RNF17: variants seen among roughly 807,000 people sequenced by gnomAD.
RNF17 encodes spermatogenesis associated 23.
In RNF17, 31 loss-of-function variants were observed where a neutral mutation model predicts 200.5. That is an observed-to-expected ratio of 0.15 (90% CI 0.12 to 0.21). The LOEUF (loss-of-function observed/expected upper bound fraction) is 0.21. Ranked by LOEUF, RNF17 falls within the 10% of genes least tolerant of loss-of-function variation. RNF17 has a pLI of 1.00. For synonymous variants in RNF17, 606 were observed against 637.8 expected, an observed-to-expected ratio of 0.95 and a Z score of 0.75; for missense variants, 1,628 against 1,905.1, an observed-to-expected ratio of 0.85 and a Z score of 2.71.
chr13:24,831,537 C>CA (rs1377751754), intron 17 of RNF17, among the ~76,000 whole-genome samples: 5 of 152,206 alleles, frequency 3.3e-5, no homozygotes, highest in African/African-American at 1.2e-4. Context: ...TCTGTGCTTT[C>CA]AGCAGTTATA....
At chr13:24,885,015 A>G in the RNF17 span, among the ~76,000 whole-genome samples, 1 of 152,222 alleles carries the variant, frequency 6.6e-6, no homozygotes, top group South Asian at 2.1e-4. Flanking sequence ...CTGACTCAGG[A>G]TCAGTATAAG....
At chr13:24,763,676 G>C (rs980068091), upstream of RNF17, among the ~76,000 whole-genome samples, 2 of 152,056 alleles carry the variant, frequency 1.3e-5, no homozygotes, top group East Asian at 3.9e-4. Flanking sequence ...ACGCTGCCTT[G>C]TATATTATTA....
intron 7 of RNF17, 74 bp from the exon 8 acceptor site, chr13:24,789,274 C>A: frequency 9.9e-7 from 1 of 1,013,364 alleles, no homozygotes. Flanking sequence ...ATACAGTTTT[C>A]TTTCTAAAAT....
At position 24,853,900 on chromosome 13, in the gene RNF17, G is replaced by C. The variant is rs1188201512; in HGVS notation, c.3366G>C (p.Leu1122=). Residue 1122 remains leucine (L), a synonymous_variant, in exon 25 of 36, where the codon CTG becomes CTC. Coordinates refer to ENST00000255324, the MANE Select transcript of RNF17 (RefSeq NM_031277.3). ...DNSHSLSEKS[L]EVPLEQEDSV... Reference sequence around the variant, plus strand: ...GCCATTCATTATCTGAGAAGTCTCTGGAAGTCCCCCTGGAACAGGAAGATT... The same window carrying C: ...GCCATTCATTATCTGAGAAGTCTCTCGAAGTCCCCCTGGAACAGGAAGATT... The C allele has an allele frequency of 6.2e-7, 1 of 1,613,072 alleles. No individual in the cohort carries two copies. The highest frequency in any genetic ancestry group is 1.3e-5 in the African/African-American group (1 of 74,868).
the RNF17 span, chr13:24,886,319 A>G: frequency 4.3e-5 from 55 of 1,289,094 alleles, no homozygotes; most frequent in Non-Finnish European, 5.5e-5. Flanking sequence ...GAATGGCCTG[A>G]AGGAGGAGAG....
In RNF17 at chr13:24,861,413, G is replaced by T. The variant is rs547976998; in HGVS notation, c.3894+26G>T. On this transcript the variant is annotated intron_variant, in intron 27 of 35. Transcript: ENST00000255324. Reference sequence around the variant, plus strand: ...GTGAGTACATAATAATTTGTGGAATGATTAATTTTAAATATTAGTTTTTAT... The same window carrying T: ...GTGAGTACATAATAATTTGTGGAATTATTAATTTTAAATATTAGTTTTTAT... 1.2e-5 allele frequency: 17 copies of T among 1,392,882 alleles called. No individual in the cohort carries two copies. In the South Asian group the frequency reaches 1.4e-4, roughly 12 times the overall value. 86.3% of individuals were successfully genotyped at this position (1,392,882 alleles called of 1,614,324 possible).
intron 16 of RNF17, among the ~76,000 whole-genome samples, chr13:24,828,261 C>T (rs766889805): frequency 6.6e-6 from 1 of 151,686 alleles, no homozygotes. Flanking sequence ...TTTCTATTAG[C>T]ACCACTTTTG....
chr13:24,836,940 GT>G (rs1326630177), intron 18 of RNF17, among the ~76,000 whole-genome samples: 1 of 152,110 alleles, frequency 6.6e-6, no homozygotes, highest in Non-Finnish European at 1.5e-5. Flanking sequence ...CTCAGAATGG[GT>G]AAGAACTCAC....
At chr13:24,759,732 G>A (rs1287873971), upstream of RNF17, among the ~76,000 whole-genome samples, 1 of 152,152 alleles carries the variant, frequency 6.6e-6, no homozygotes, top group African/African-American at 2.4e-5. Flanking sequence ...GTGAAGGAAT[G>A]AGAGAGGGAG....
rs1021170963 is a variant in RNF17, at chr13:24,827,570, C to T, written c.2245+1798C>T. ...ACAAAAAATTAGCCGGGCGTAGTGG[C>T]GGGCGCCTGTAGTCCCAGCTACTTG... On this transcript the variant is annotated intron_variant, in intron 16 of 35. Transcript: ENST00000255324. Among the ~76,000 whole-genome samples the T allele has an allele frequency of 1.1e-4, 16 of 150,920 alleles. 1 individual carries two copies. In the East Asian group the frequency reaches 1.4e-3, roughly 13 times the overall value.
rs1203535229 is a variant in RNF17 at position 24,830,530 on chromosome 13, T to C, written c.2292T>C (p.Gly764=). The C allele has an allele frequency of 5.0e-6, 8 of 1,611,904 alleles. No homozygotes were observed. The African/African-American group carries it at 1.1e-4, about 22-fold the overall frequency. The change falls in exon 17 of 36, where the codon GGT becomes GGC. Residue 764 remains glycine (G), a synonymous_variant. Coordinates refer to ENST00000255324, the MANE Select transcript of RNF17 (RefSeq NM_031277.3). ...TTGAAGTTAAATATGTGGACTTTGG[T>C]AATACTGCAAAAATAACAATCAAAG... ...QEVEVKYVDF[G]NTAKITIKDV...
chr13:24,885,730 T>C, the RNF17 span: 1 of 1,149,210 alleles, frequency 8.7e-7, no homozygotes, highest in African/African-American at 1.5e-5. Context: ...TTTATTAGTA[T>C]GATCACACAT....
Position 24,793,283 on chromosome 13 carries a change from T to A in RNF17, c.1177T>A (p.Leu393Ile). The change falls in exon 10 of 36, where the codon TTA becomes ATA. Residue 393 changes from leucine to isoleucine, a missense_variant. Leu to Ile is a conservative substitution (Grantham distance 5). Coordinates refer to ENST00000255324, the MANE Select transcript of RNF17 (RefSeq NM_031277.3). ...AGCATCCCCTAAAACCATTGCTGTG[T>A]TACCTCAGATGGGATCTAGCCCTGA... ...ATASPKTIAVLPQMGSSPDVI... is the reference protein window; with the variant it reads ...ATASPKTIAVIPQMGSSPDVI... 3 of 1,613,880 alleles carry A rather than the reference T, an allele frequency of 1.9e-6. No individual in the cohort carries two copies. The South Asian group carries it at 3.3e-5, about 18-fold the overall frequency.
intron 3 of RNF17, among the ~76,000 whole-genome samples, chr13:24,776,483 G>A (rs1881585318): frequency 6.6e-6 from 1 of 152,186 alleles, no homozygotes; most frequent in South Asian, 2.1e-4. Context: ...GAACCAGAAT[G>A]TAAACCTAGG....
intron 27 of RNF17, 86 bp downstream of exon 27, chr13:24,861,473 G>A: frequency 1.0e-6 from 1 of 981,240 alleles, no homozygotes; most frequent in Non-Finnish European, 1.4e-6. Flanking sequence ...AATGTAAAAT[G>A]AAATTTCAGT....
At chr13:24,878,401 A>C (rs531728083) in intron 34 of RNF17, among the ~76,000 whole-genome samples, 3 of 152,320 alleles carry the variant, frequency 2.0e-5, no homozygotes, top group Admixed American at 6.5e-5. Context: ...GAACCATAGG[A>C]TATATGAGAG....
chr13:24,818,475 G>A (rs1461667821), intron 15 of RNF17, among the ~76,000 whole-genome samples: 1 of 152,090 alleles, frequency 6.6e-6, no homozygotes, highest in Non-Finnish European at 1.5e-5. Flanking sequence ...ATTGAAAGTG[G>A]AATATTAAAG....
chr13:24,834,250 TA>T (rs1031420184), intron 18 of RNF17, among the ~76,000 whole-genome samples: 2 of 151,418 alleles, frequency 1.3e-5, no homozygotes, highest in African/African-American at 4.9e-5. Flanking sequence ...CTACTAAAAA[TA>T]AAAAAATATA....
At chr13:24,842,985 TA>T (rs374294921) in intron 19 of RNF17, among the ~76,000 whole-genome samples, 416 of 133,562 alleles carry the variant, frequency 3.1e-3, no homozygotes, top group Middle Eastern at 3.9e-3. Flanking sequence ...AGACTCTGTC[TA>T]AAAAAAAAAA....
Sources: allele counts gnomAD v4.1 joint callset (sites outside exome capture counted in the v4.1 genomes callset), GRCh38; gene constraint gnomAD v4.1.1; transcripts MANE v1.5; gene names NCBI Gene and HGNC (gene_info 2026-07-23, HGNC 2026-07-21).